Variants in MAGT1 observed in about 807,000 individuals in gnomAD.
MAGT1 encodes magnesium transporter 1, also known as dolichyl-diphosphooligosaccharide--protein glycosyltransferase subunit MAGT1.
Under a neutral mutation model 28.4 loss-of-function variants are expected in MAGT1, and 4 were observed. That is an observed-to-expected ratio of 0.14 (90% CI 0.07 to 0.32). The LOEUF is 0.32. MAGT1 is among the 10% of genes least tolerant of loss of function. The pLI is 1.00. For synonymous variants in MAGT1, 89 were observed against 89.7 expected, an observed-to-expected ratio of 0.99 and a Z score of 0.04; for missense variants, 193 against 264.5, an observed-to-expected ratio of 0.73 and a Z score of 1.88.
rs1323656695 is a variant in MAGT1 at position 77,869,722 on chromosome X, A to C, written c.390+1086T>G. Among the ~76,000 whole-genome samples the C allele has an allele frequency of 4.5e-5, 5 of 111,318 alleles. No homozygotes were observed. In the East Asian group the frequency reaches 1.4e-3, roughly 31 times the overall value. ...TGGTCATAATTAAAGCAAAAAAAAA[A>C]ACACAAAAAACAAAACAAAAAAAAA... On this transcript the variant is annotated intron_variant, in intron 3 of 9. Transcript: ENST00000618282.
intron 7 of MAGT1, among the ~76,000 whole-genome samples, chrX:77,847,049 A>G (rs932380899): frequency 8.9e-6 from 1 of 112,053 alleles, no homozygotes; most frequent in African/African-American, 3.2e-5. Flanking sequence ...TACAGAGGCA[A>G]GCAGGCCTCC....
At position 77,850,250 on chromosome X, in the gene MAGT1, T is replaced by G. The variant is rs782271784; in HGVS notation, c.826+3651A>C. ...TAGCACTTTGGGAGGCTGAGATGGG[T>G]GGATCACCTGAGGTCAGGAGTTCAA... On this transcript the variant is annotated intron_variant, in intron 7 of 9. Transcript: ENST00000618282. Among the ~76,000 whole-genome samples, 3 of 109,627 alleles carry G rather than the reference T, an allele frequency of 2.7e-5. No homozygotes were observed. The East Asian group carries it at 8.7e-4, about 32-fold the overall frequency.
chrX:77,857,317 A>G lies in MAGT1; in HGVS notation c.531+40T>C, dbSNP rs538518859. 2.0e-5 allele frequency: 24 copies of G among 1,206,829 alleles called. No homozygotes were observed. The East Asian group carries it at 6.5e-4, about 33-fold the overall frequency. ...GGCCTCCCAGTAAGATTCAAAGGGGATAATGGCCAAGAAACAGTCTACATA... is the reference window on the plus strand; with the variant it reads ...GGCCTCCCAGTAAGATTCAAAGGGGGTAATGGCCAAGAAACAGTCTACATA... On this transcript the variant is annotated intron_variant, in intron 4 of 9. Coordinates refer to ENST00000618282, the MANE Select transcript of MAGT1 (RefSeq NM_001367916.1).
At chrX:77,875,720 A>G in intron 1 of MAGT1, 123 bp from the exon 2 acceptor site, 1 of 651,673 alleles carries the variant, frequency 1.5e-6, no homozygotes, top group Non-Finnish European at 2.4e-6. Context: ...TGTGAGACCT[A>G]AAGCCAAAAT....
chrX:77,835,182 G>A (rs1333890393), intron 8 of MAGT1, among the ~76,000 whole-genome samples: 2 of 109,148 alleles, frequency 1.8e-5, no homozygotes, highest in East Asian at 2.9e-4. Flanking sequence ...GGATGGTCTC[G>A]ATCTCCTGAC....
At chrX:77,868,737 T>C (rs1482199530) in intron 3 of MAGT1, 1 of 265,527 alleles carries the variant, frequency 3.8e-6, no homozygotes, top group Non-Finnish European at 7.2e-6. Flanking sequence ...GGAAAATTGC[T>C]TGAACCCAAA....
At chrX:77,844,285 G>A (rs1292338856) in intron 7 of MAGT1, among the ~76,000 whole-genome samples, 2 of 111,226 alleles carry the variant, frequency 1.8e-5, no homozygotes, top group Non-Finnish European at 3.8e-5. Flanking sequence ...CTGTGGGATC[G>A]GTGATGATAT....
At chrX:77,841,778 C>T (rs1378696510) in intron 7 of MAGT1, among the ~76,000 whole-genome samples, 1 of 107,946 alleles carries the variant, frequency 9.3e-6, no homozygotes, top group Admixed American at 1.0e-4. Flanking sequence ...CAGGCTCAAG[C>T]CACCCTCCCA....
Position 77,828,955 on chromosome X carries a change from C to T in MAGT1, c.*265G>A, listed in dbSNP as rs1371509097. The T allele has an allele frequency of 1.2e-5, 3 of 255,262 alleles. No homozygotes were observed. Among genetic ancestry groups the T allele is most frequent in the Non-Finnish European group, 7.0e-6 (1 of 142,163 alleles). The allele number at this position is 255,262 out of a possible 1,213,427, so 21.0% of individuals were successfully genotyped here. A position where few individuals can be genotyped will look rare whatever the true frequency, so the allele number is the denominator to read the frequency against. ...GTAGTTTTACAATTTTTATAATATA[C>T]TTAATTGTACTAAATTAAATGTTCC... On this transcript the variant is annotated 3_prime_UTR_variant, in exon 10 of 10. Coordinates refer to ENST00000618282, the MANE Select transcript of MAGT1 (RefSeq NM_001367916.1).
intron 1 of MAGT1, among the ~76,000 whole-genome samples, chrX:77,876,132 TTATATATA>T (rs1222026237): frequency 2.5e-3 from 85 of 34,055 alleles, no homozygotes; most frequent in African/African-American, 0.013. Flanking sequence ...CACCTGGCCT[TTATATATA>T]TATATATATA....
At chrX:77,878,305 A>G (rs1175695845) in intron 1 of MAGT1, among the ~76,000 whole-genome samples, 10 of 99,200 alleles carry the variant, frequency 1.0e-4, no homozygotes, top group Middle Eastern at 4.9e-3. Context: ...AAAAAAAAAA[A>G]AAAAAAAGAA....
intron 7 of MAGT1, 86 bp downstream of exon 7, chrX:77,853,815 A>G (rs2076974817): frequency 2.6e-6 from 2 of 766,361 alleles, no homozygotes; most frequent in Non-Finnish European, 4.1e-6. Context: ...TTAAGAGAAC[A>G]GCCCCAGCCA....
At chrX:77,852,596 TC>T (rs1459396379) in intron 7 of MAGT1, among the ~76,000 whole-genome samples, 6 of 111,370 alleles carry the variant, frequency 5.4e-5, no homozygotes, top group Non-Finnish European at 1.1e-4. Context: ...TCGTTTTTTT[TC>T]CCTTTTTTAT....
At chrX:77,878,289 C>CAAAAAAAAAAAA (rs1205547369) in intron 1 of MAGT1, among the ~76,000 whole-genome samples, 3 of 15,070 alleles carry the variant, frequency 2.0e-4, no homozygotes, top group African/African-American at 5.6e-4. Context: ...AACTCTGATG[C>CAAAAAAAAAAAA]AAAAAAAAAA....
At chrX:77,876,146 ATATATATATATATATATATTTTTTT>A (rs1466215374) in intron 1 of MAGT1, among the ~76,000 whole-genome samples, 1 of 27,720 alleles carries the variant, frequency 3.6e-5, no homozygotes. Flanking sequence ...ATATATATAT[ATATATATATATATATATATTTTTTT>A]TTTTTTTTTT....
intron 7 of MAGT1, among the ~76,000 whole-genome samples, chrX:77,848,405 C>T (rs192507252): frequency 9.3e-4 from 105 of 112,331 alleles, no homozygotes; most frequent in African/African-American, 2.6e-3. Flanking sequence ...GTGGCCAAGA[C>T]GGGTGGATCA....
intron 9 of MAGT1, 47 bp downstream of exon 9, chrX:77,830,758 T>C (rs2076895249): frequency 1.4e-6 from 1 of 706,705 alleles, no homozygotes; most frequent in East Asian, 3.6e-5. Context: ...ACTCTAATCA[T>C]TCCAGGTATT....
At chrX:77,895,237 G>T in intron 1 of MAGT1, 72 bp downstream of exon 1, 1 of 1,099,502 alleles carries the variant, frequency 9.1e-7, no homozygotes, top group Non-Finnish European at 1.3e-6. Context: ...AGGGGGCTGG[G>T]AAGAGGCGAA....
chrX:77,863,852 T>C (rs1479045357), intron 3 of MAGT1, among the ~76,000 whole-genome samples: 1 of 110,703 alleles, frequency 9.0e-6, no homozygotes, highest in African/African-American at 3.3e-5. Context: ...TGAAACCCCA[T>C]CTCTACTAAA....
Sources: gnomAD v4.1 joint callset for allele counts (sites outside exome capture counted in the v4.1 genomes callset) on GRCh38, gnomAD v4.1.1 for gene constraint, MANE v1.5 for transcripts, NCBI Gene and HGNC (gene_info 2026-07-23, HGNC 2026-07-21) for gene names.